The following NUSAP1 variants were observed in gnomAD, a reference collection of about 807,000 sequenced individuals.
NUSAP1 encodes nucleolar and spindle-associated protein 1.
Under a neutral mutation model 52.8 loss-of-function variants are expected in NUSAP1, and 32 were observed. The observed-to-expected ratio is 0.61, with a 90% confidence interval of 0.46 to 0.81. The LOEUF (loss-of-function observed/expected upper bound fraction) is 0.81. Ranked by LOEUF, NUSAP1 falls within the 40% of genes least tolerant of loss-of-function variation. The pLI, the probability that NUSAP1 is intolerant of heterozygous loss-of-function variation, is 0.00. For synonymous variants in NUSAP1, 195 were observed against 183.1 expected (o/e 1.06, Z -0.52); for missense variants, 499 against 522.3 (o/e 0.96, Z 0.43).
chr15:41,351,535 C>T (rs1434721861), intron 4 of NUSAP1, among the ~76,000 whole-genome samples: 1 of 152,126 alleles, frequency 6.6e-6, no homozygotes, highest in Non-Finnish European at 1.5e-5. Context: ...CCTATAATCC[C>T]ATTACTTTGG....
intron 6 of NUSAP1, among the ~76,000 whole-genome samples, chr15:41,361,009 G>T (rs1047074067): frequency 6.6e-6 from 1 of 151,902 alleles, no homozygotes; most frequent in Admixed American, 6.6e-5. Flanking sequence ...CAGGAGAATC[G>T]CTTGAACCCA....
At chr15:41,374,509 G>A (rs1348933864) in intron 8 of NUSAP1, among the ~76,000 whole-genome samples, 4 of 152,126 alleles carry the variant, frequency 2.6e-5, no homozygotes, top group Non-Finnish European at 5.9e-5. Flanking sequence ...TGGGATCGCA[G>A]GAGATACAAA....
At chr15:41,333,303 ATTGTTTT>A (rs1224611451) in intron 1 of NUSAP1, among the ~76,000 whole-genome samples, 3 of 151,978 alleles carry the variant, frequency 2.0e-5, no homozygotes, top group Non-Finnish European at 4.4e-5. Context: ...GGGATGGTTT[ATTGTTTT>A]TTGTTTTGTT....
At chr15:41,347,539 G>C (rs980576074) in intron 2 of NUSAP1, among the ~76,000 whole-genome samples, 3 of 152,036 alleles carry the variant, frequency 2.0e-5, no homozygotes, top group Non-Finnish European at 4.4e-5. Context: ...GACATGGCCG[G>C]GTGCGGTGGC....
chr15:41,342,808 C>T (rs1417867697), intron 2 of NUSAP1, among the ~76,000 whole-genome samples: 1 of 152,010 alleles, frequency 6.6e-6, no homozygotes, highest in Admixed American at 6.6e-5. Flanking sequence ...CACTGTACTC[C>T]AGCCTGGGTG....
At chr15:41,369,837 GC>G (rs2049590362) in intron 7 of NUSAP1, among the ~76,000 whole-genome samples, 1 of 149,308 alleles carries the variant, frequency 6.7e-6, no homozygotes, top group East Asian at 2.0e-4. Flanking sequence ...GGAGGCCGAG[GC>G]GGGCAGATCA....
chr15:41,343,817 T>C (rs1159735739), intron 2 of NUSAP1, among the ~76,000 whole-genome samples: 5 of 152,138 alleles, frequency 3.3e-5, no homozygotes, highest in Admixed American at 3.3e-4. Flanking sequence ...TTCCAGGCTT[T>C]AATTAACTGA....
At chr15:41,356,725 C>T (rs776630919) in intron 5 of NUSAP1, among the ~76,000 whole-genome samples, 6 of 152,150 alleles carry the variant, frequency 3.9e-5, no homozygotes, top group South Asian at 4.1e-4. Flanking sequence ...TTCCCTATCA[C>T]GGCAAATAGC....
At chr15:41,352,709 A>G (rs2048820795) in intron 4 of NUSAP1, among the ~76,000 whole-genome samples, 1 of 151,936 alleles carries the variant, frequency 6.6e-6, no homozygotes, top group Admixed American at 6.6e-5. Context: ...GGCATGCACC[A>G]CCACGCCCGG....
intron 10 of NUSAP1, among the ~76,000 whole-genome samples, chr15:41,377,677 T>C (rs1286385203): frequency 7.1e-5 from 9 of 126,304 alleles, no homozygotes; most frequent in East Asian, 4.9e-4. Context: ...CTAGCCTGCG[T>C]GACAGAGCCA....
chr15:41,365,769 G>A (rs370132615), intron 7 of NUSAP1, 180 bp downstream of exon 7: 83 of 314,058 alleles, frequency 2.6e-4, no homozygotes, highest in African/African-American at 1.8e-3. Context: ...CGCCCAGGCT[G>A]GAGTGCAGTG....
In NUSAP1 at chr15:41,356,043, CAG is replaced by C. The variant is rs1221735496; in HGVS notation, c.457_458del (p.Asp153PhefsTer15). 6.3e-7 allele frequency: 1 copy of C among 1,582,362 alleles called. No individual in the cohort carries two copies. Among genetic ancestry groups the C allele is most frequent in the African/African-American group, 1.3e-5 (1 of 74,396 alleles). On this transcript the variant is annotated frameshift_variant, in exon 5 of 11. Coordinates refer to ENST00000559596, the MANE Select transcript of NUSAP1 (RefSeq NM_016359.5). LOFTEE classifies it high-confidence loss of function. Reference sequence around the variant, plus strand: ...TTTCTGTGTCTTTGGATTTAGGTAACAGAGATTCAAAGGTACCTTCAGAAGGA... The same window carrying C: ...TTTCTGTGTCTTTGGATTTAGGTAACAGATTCAAAGGTACCTTCAGAAGGA... ...EAENAVSSGN[R>X]DSKVPSEGKK... is the part of the protein sequence containing the mutation.
Position 41,380,768 on chromosome 15 carries a change from T to G in NUSAP1, c.*582T>G, listed in dbSNP as rs1336066469. ...TAATTGCCATCTGTCACTCACTATA[T>G]TCACAAAAATAAAACTCTACAACTC... On this transcript the variant is annotated 3_prime_UTR_variant, in exon 11 of 11. Transcript: ENST00000559596. The G allele has an allele frequency of 6.6e-6, 1 of 152,264 alleles. No individual in the cohort carries two copies. Among genetic ancestry groups the G allele is most frequent in the Non-Finnish European group, 1.5e-5 (1 of 68,106 alleles). The allele number at this position is 152,264 out of a possible 1,614,324, so 9.4% of individuals were successfully genotyped here.
chr15:41,360,910 A>T (rs1345151745), intron 6 of NUSAP1, among the ~76,000 whole-genome samples: 1 of 150,258 alleles, frequency 6.7e-6, no homozygotes, highest in Non-Finnish European at 1.5e-5. Context: ...TCTTGCCAGC[A>T]TGGCAAAACC....
At chr15:41,361,901 C>G (rs1043615901) in intron 6 of NUSAP1, among the ~76,000 whole-genome samples, 1 of 152,038 alleles carries the variant, frequency 6.6e-6, no homozygotes, top group African/African-American at 2.4e-5. Context: ...TGAAGTTGCT[C>G]CTGGCACATT....
chr15:41,378,944 G>GTTTTGTTTTTTTTTTTTTTTTTT (rs2050092060), intron 10 of NUSAP1, among the ~76,000 whole-genome samples: 2 of 63,270 alleles, frequency 3.2e-5, no homozygotes, highest in African/African-American at 1.4e-4. Flanking sequence ...ACTTATCTTG[G>GTTTTGTTTTTTTTTTTTTTTTTT]TTTTTTTTTT....
At chr15:41,371,454 G>A in intron 7 of NUSAP1, 73 bp from the exon 8 acceptor site, 1 of 1,316,474 alleles carries the variant, frequency 7.6e-7, no homozygotes, top group Admixed American at 2.8e-5. Context: ...TAGTCAAGTG[G>A]TTTTATTTAT....
intron 8 of NUSAP1, among the ~76,000 whole-genome samples, chr15:41,374,514 T>TA (rs1339247868): frequency 1.3e-5 from 2 of 152,128 alleles, no homozygotes; most frequent in African/African-American, 2.4e-5. Flanking sequence ...TCGCAGGAGA[T>TA]ACAAACATTC....
intron 1 of NUSAP1, among the ~76,000 whole-genome samples, chr15:41,336,440 C>A (rs779498121): frequency 4.2e-4 from 64 of 151,898 alleles, no homozygotes; most frequent in Non-Finnish European, 7.4e-4. Context: ...GCTTAAATTA[C>A]AAACACTGGC....
Sources: gnomAD v4.1 joint callset for allele counts (sites outside exome capture counted in the v4.1 genomes callset) on GRCh38, gnomAD v4.1.1 for gene constraint, MANE v1.5 for transcripts, NCBI Gene and HGNC (gene_info 2026-07-23, HGNC 2026-07-21) for gene names.